The following FCHSD2 variants were observed in gnomAD, a reference collection of about 807,000 sequenced individuals.
The protein encoded by FCHSD2 is F-BAR and double SH3 domains protein 2.
In FCHSD2, 38 loss-of-function variants were observed where a neutral mutation model predicts 108.1. The observed-to-expected ratio is 0.35, with a 90% confidence interval of 0.27 to 0.46. The LOEUF is 0.46. FCHSD2 is among the 20% of genes least tolerant of loss of function. The probability of loss-of-function intolerance (pLI) is 1.00; values close to 1 mark genes in which losing one functional copy is unlikely to be tolerated. For synonymous variants in FCHSD2, 279 were observed against 314.7 expected, an observed-to-expected ratio of 0.89 and a Z score of 1.20; for missense variants, 751 against 897.8, an observed-to-expected ratio of 0.84 and a Z score of 2.09.
intron 2 of FCHSD2, among the ~76,000 whole-genome samples, chr11:73,138,254 T>C (rs1047654053): frequency 2.6e-5 from 4 of 152,232 alleles, no homozygotes; most frequent in African/African-American, 9.6e-5. Flanking sequence ...TAAAGATTAA[T>C]TCATTTTCTA....
At chr11:73,041,226 T>G (rs758900172) in intron 3 of FCHSD2, among the ~76,000 whole-genome samples, 1 of 152,198 alleles carries the variant, frequency 6.6e-6, no homozygotes, top group Non-Finnish European at 1.5e-5. Context: ...ACTGATTTCC[T>G]TTCTTTGGAT....
intron 8 of FCHSD2, among the ~76,000 whole-genome samples, chr11:72,961,141 G>T (rs761979853): frequency 5.3e-5 from 8 of 152,070 alleles, no homozygotes; most frequent in Non-Finnish European, 1.2e-4. Context: ...TTAAAATGTG[G>T]TATCTGCCCT....
intron 5 of FCHSD2, among the ~76,000 whole-genome samples, chr11:72,995,573 A>G (rs911498944): frequency 6.6e-6 from 1 of 151,976 alleles, no homozygotes; most frequent in Non-Finnish European, 1.5e-5. Flanking sequence ...GTGTGGTGGC[A>G]AGCACCTGTA....
chr11:73,037,313 C>A (rs1858522296), intron 3 of FCHSD2, among the ~76,000 whole-genome samples: 1 of 152,154 alleles, frequency 6.6e-6, no homozygotes, highest in Non-Finnish European at 1.5e-5. Context: ...ATGGTTTACA[C>A]TAGGATTCTT....
Position 73,100,254 on chromosome 11 carries a change from A to G in FCHSD2, c.120-16514T>C, listed in dbSNP as rs559716011. On this transcript the variant is annotated intron_variant, in intron 2 of 19. Transcript: ENST00000409418. ...CTTCGCGTCCCTTCCTCCCTTCTCA[A>G]GAAAACCCTTCTCCTATTAACAACA... Among the ~76,000 whole-genome samples the G allele has an allele frequency of 6.6e-5, 10 of 152,296 alleles. No homozygotes were observed. In the East Asian group the frequency reaches 1.9e-3, roughly 29 times the overall value.
chr11:72,840,385 C>A (rs1344907585), intron 19 of FCHSD2, among the ~76,000 whole-genome samples: 1 of 152,088 alleles, frequency 6.6e-6, no homozygotes, highest in Non-Finnish European at 1.5e-5. Context: ...AAGTTATGAC[C>A]TTGGAGTACA....
intron 2 of FCHSD2, among the ~76,000 whole-genome samples, chr11:73,094,419 T>C (rs1243145300): frequency 6.6e-6 from 1 of 152,210 alleles, no homozygotes; most frequent in African/African-American, 2.4e-5. Context: ...ACTAGTTATA[T>C]ACCAAGAAAA....
intron 8 of FCHSD2, among the ~76,000 whole-genome samples, chr11:72,940,114 T>C (rs1056216060): frequency 6.6e-6 from 1 of 152,200 alleles, no homozygotes; most frequent in Non-Finnish European, 1.5e-5. Context: ...TCAGGTCTAA[T>C]TCCATAGAAG....
chr11:73,028,607 T>C (rs1027994488), intron 3 of FCHSD2, among the ~76,000 whole-genome samples: 1 of 152,090 alleles, frequency 6.6e-6, no homozygotes, highest in Admixed American at 6.5e-5. Flanking sequence ...GACGGCATGA[T>C]TGTGTTTTGA....
At chr11:73,110,464 A>G (rs1334850433) in intron 2 of FCHSD2, among the ~76,000 whole-genome samples, 2 of 152,038 alleles carry the variant, frequency 1.3e-5, no homozygotes, top group Admixed American at 1.3e-4. Flanking sequence ...AGATTTTTCA[A>G]TTTATTGGTA....
intron 8 of FCHSD2, among the ~76,000 whole-genome samples, chr11:72,951,706 G>A (rs1361743585): frequency 6.6e-6 from 1 of 152,124 alleles, no homozygotes; most frequent in Non-Finnish European, 1.5e-5. Flanking sequence ...TTTGATGGAA[G>A]AAACAAAATT....
intron 3 of FCHSD2, among the ~76,000 whole-genome samples, chr11:73,042,932 T>C (rs1425109805): frequency 6.6e-6 from 1 of 152,224 alleles, no homozygotes; most frequent in Non-Finnish European, 1.5e-5. Context: ...GAATTCATTT[T>C]TCAGTTCAAA....
chr11:72,851,616 G>A (rs765704140), intron 13 of FCHSD2, among the ~76,000 whole-genome samples: 2 of 152,046 alleles, frequency 1.3e-5, no homozygotes, highest in African/African-American at 4.8e-5. Context: ...GGTGGCATGC[G>A]CCTGTAGTCC....
At chr11:73,086,174 A>G (rs1859811247) in intron 2 of FCHSD2, among the ~76,000 whole-genome samples, 1 of 152,188 alleles carries the variant, frequency 6.6e-6, no homozygotes, top group Admixed American at 6.5e-5. Context: ...TTTGAGAGAT[A>G]GAGGTGGGTG....
chr11:72,924,168 T>C (rs1190160857), intron 8 of FCHSD2, among the ~76,000 whole-genome samples: 1 of 152,212 alleles, frequency 6.6e-6, no homozygotes, highest in Non-Finnish European at 1.5e-5. Flanking sequence ...CTCAAACTTC[T>C]GGGTTCCAGT....
At chr11:73,076,337 G>A (rs1859550017) in intron 3 of FCHSD2, among the ~76,000 whole-genome samples, 1 of 152,174 alleles carries the variant, frequency 6.6e-6, no homozygotes, top group South Asian at 2.1e-4. Flanking sequence ...TTATATATCT[G>A]TGCCAAGAAA....
chr11:72,903,894 C>G (rs748918413), intron 9 of FCHSD2, among the ~76,000 whole-genome samples: 20 of 152,152 alleles, frequency 1.3e-4, no homozygotes, highest in Non-Finnish European at 2.5e-4. Flanking sequence ...CTTCCCTCCC[C>G]CTCACTCCAC....
chr11:73,000,513 A>G (rs2135417151), intron 5 of FCHSD2, among the ~76,000 whole-genome samples: 1 of 152,302 alleles, frequency 6.6e-6, no homozygotes, highest in South Asian at 2.1e-4. Context: ...ATATAATTAA[A>G]GTTTAGAGTC....
At chr11:72,907,407 G>T (rs1237536966) in intron 9 of FCHSD2, among the ~76,000 whole-genome samples, 1 of 151,440 alleles carries the variant, frequency 6.6e-6, no homozygotes, top group Non-Finnish European at 1.5e-5. Context: ...TCCTTATCTT[G>T]TGCTGGTTTT....
Sources: gnomAD v4.1 joint callset for allele counts (sites outside exome capture counted in the v4.1 genomes callset) on GRCh38, gnomAD v4.1.1 for gene constraint, MANE v1.5 for transcripts, NCBI Gene and HGNC (gene_info 2026-07-23, HGNC 2026-07-21) for gene names.